Variants in MCF2L2 observed in about 807,000 individuals in gnomAD.
MCF2L2 encodes probable guanine nucleotide exchange factor MCF2L2.
In MCF2L2, 102 loss-of-function variants were observed where a neutral mutation model predicts 150.2. The ratio of observed to expected loss-of-function variants is 0.68; its 90% CI spans 0.58 to 0.80. The LOEUF is 0.80. MCF2L2 is among the 30% of genes least tolerant of loss of function. MCF2L2 has a pLI of 0.00. For missense variants in MCF2L2, 1,256 were observed against 1,372.8 expected (o/e 0.91, Z 1.34); for synonymous variants, 465 against 491.3 (o/e 0.95, Z 0.71).
At chr3:183,309,892 A>G in intron 9 of MCF2L2, 57 bp from the exon 10 acceptor site, 1 of 1,597,878 alleles carries the variant, frequency 6.3e-7, no homozygotes, top group Admixed American at 1.7e-5. Context: ...ACCTGAAGGT[A>G]TAGGTTTGTT....
At chr3:183,242,810 G>T (rs1724088957) in intron 15 of MCF2L2, among the ~76,000 whole-genome samples, 1 of 152,180 alleles carries the variant, frequency 6.6e-6, no homozygotes, top group African/African-American at 2.4e-5. Context: ...CCATGTGCTT[G>T]GAAAAGCTGC....
At chr3:183,218,290 TAAAAG>T (rs1041043116) in intron 21 of MCF2L2, among the ~76,000 whole-genome samples, 1 of 152,232 alleles carries the variant, frequency 6.6e-6, no homozygotes, top group Admixed American at 6.5e-5. Context: ...CGCTTCCTGG[TAAAAG>T]AAAACAGACT....
intron 10 of MCF2L2, among the ~76,000 whole-genome samples, chr3:183,302,232 G>A (rs1034928204): frequency 6.6e-6 from 1 of 152,148 alleles, no homozygotes; most frequent in African/African-American, 2.4e-5. Context: ...TTTCTCCTTT[G>A]CTAATTTTGC....
rs185130868 is a variant in MCF2L2, at chr3:183,270,951, G to C, written c.1862+5921C>G. 1.3e-6 allele frequency: 2 copies of C among 1,537,274 alleles called. No individual in the cohort carries two copies. Among genetic ancestry groups the C allele is most frequent in the Non-Finnish European group, 1.7e-6 (2 of 1,145,616 alleles). On this transcript the variant is annotated intron_variant, in intron 15 of 29. Coordinates refer to ENST00000328913, the MANE Select transcript of MCF2L2 (RefSeq NM_015078.4). This position sits in a 1 kb window ranked among gnomAD's most constrained non-coding sequence, Gnocchi z 4.5. ...GTTTATCTAATAGTACTTGAATGTT[G>C]TATGTTTTCACTGTCACTGAGTCAA...
intron 10 of MCF2L2, among the ~76,000 whole-genome samples, chr3:183,308,490 T>C (rs1249270620): frequency 6.6e-6 from 1 of 152,194 alleles, no homozygotes; most frequent in Non-Finnish European, 1.5e-5. Flanking sequence ...CTCATGTGTC[T>C]TTAGCACTAG....
chr3:183,207,658 G>T lies in MCF2L2; in HGVS notation c.2662C>A (p.Pro888Thr). ...GIVFCKIRME[P>T]GDQGLSPHYS... Reference sequence around the variant, plus strand: ...TGAGGAGATAATCCCTGGTCCCCAGGCTCCATTCGTATCTTACAGAACACT... The same window carrying T: ...TGAGGAGATAATCCCTGGTCCCCAGTCTCCATTCGTATCTTACAGAACACT... The change falls in exon 23 of 30, where the codon CCT becomes ACT. Residue 888 changes from proline (P) to threonine (T), a missense_variant. Pro to Thr is a conservative substitution (Grantham distance 38, BLOSUM62 -1). Coordinates refer to ENST00000328913, the MANE Select transcript of MCF2L2 (RefSeq NM_015078.4). 1.2e-6 allele frequency: 2 copies of T among 1,614,180 alleles called. No homozygotes were observed. The highest frequency in any genetic ancestry group is 1.7e-6 in the Non-Finnish European group (2 of 1,180,010).
chr3:183,355,245 T>A (rs1220816794), intron 3 of MCF2L2, among the ~76,000 whole-genome samples: 2 of 151,986 alleles, frequency 1.3e-5, no homozygotes, highest in Non-Finnish European at 1.5e-5. Context: ...AGACAGGTAA[T>A]GTCACTAGAA....
At chr3:183,318,011 A>G (rs1729667455) in intron 7 of MCF2L2, 57 bp downstream of exon 7, 2 of 1,587,960 alleles carry the variant, frequency 1.3e-6, no homozygotes, top group Admixed American at 1.8e-5. Context: ...TCTCTCCGAG[A>G]GGCAGGCATA....
chr3:183,312,161 T>C (rs944532619), intron 7 of MCF2L2, among the ~76,000 whole-genome samples: 24 of 152,350 alleles, frequency 1.6e-4, no homozygotes, highest in African/African-American at 5.5e-4. Flanking sequence ...TGAGCAATAA[T>C]AATGTAATAA....
intron 14 of MCF2L2, among the ~76,000 whole-genome samples, chr3:183,288,573 C>T (rs529051570): frequency 2.2e-4 from 33 of 151,476 alleles, no homozygotes; most frequent in African/African-American, 8.0e-4. Flanking sequence ...CCTCCAACTT[C>T]CAGTTTCAAG....
rs770936848 is a variant in MCF2L2 at position 183,180,087 on chromosome 3, T to C, written c.3089A>G (p.Glu1030Gly). ...DCEGAEDMEK[E>G]SSALSLAGLF... ...AGTAATTACACTCAGAGCACTGCTC[T>C]CCTTTTCCATGTCTTCTGCGCCTTC... Residue 1030 changes from glutamate to glycine, a missense_variant, in exon 28 of 30, where the codon GAG becomes GGG. Coordinates refer to ENST00000328913, the MANE Select transcript of MCF2L2 (RefSeq NM_015078.4). 8 of 1,613,686 alleles carry C rather than the reference T, an allele frequency of 5.0e-6. No homozygotes were observed. The Admixed American group carries it at 6.7e-5, about 13-fold the overall frequency.
At position 183,267,345 on chromosome 3, in the gene MCF2L2, A is replaced by C. The variant is rs1313584349; in HGVS notation, c.1862+9527T>G. Among the ~76,000 whole-genome samples, 3 of 152,234 alleles carry C rather than the reference A, an allele frequency of 2.0e-5. No homozygotes were observed. The highest frequency in any genetic ancestry group is 6.5e-5 in the Admixed American group (1 of 15,284). On this transcript the variant is annotated intron_variant, in intron 15 of 29. Coordinates refer to ENST00000328913, the MANE Select transcript of MCF2L2 (RefSeq NM_015078.4). This position sits in a 1 kb window ranked among gnomAD's most constrained non-coding sequence, Gnocchi z 5.5. Reference sequence around the variant, plus strand: ...TGAATGGGGCTTGGCTCTAATCTCTAGTCCTCATTGGACATTTTACATACC... The same window carrying C: ...TGAATGGGGCTTGGCTCTAATCTCTCGTCCTCATTGGACATTTTACATACC...
intron 1 of MCF2L2, among the ~76,000 whole-genome samples, chr3:183,397,027 A>G (rs1714502644): frequency 6.6e-6 from 1 of 152,202 alleles, no homozygotes; most frequent in South Asian, 2.1e-4. Context: ...ATTAATTTCT[A>G]TTGTTGTAAG....
At chr3:183,360,355 C>T (rs114381665) in intron 3 of MCF2L2, among the ~76,000 whole-genome samples, 1,737 of 152,060 alleles carry the variant, frequency 0.011, 37 homozygotes, top group East Asian at 0.071. Flanking sequence ...GTCACTTGAG[C>T]CCAGGAGTTC....
chr3:183,263,406 T>G (rs1478283632), intron 15 of MCF2L2, among the ~76,000 whole-genome samples: 4 of 152,138 alleles, frequency 2.6e-5, no homozygotes, highest in Non-Finnish European at 5.9e-5. Context: ...AACTATATGG[T>G]CAATGTCTCT....
intron 27 of MCF2L2, among the ~76,000 whole-genome samples, chr3:183,182,849 G>A (rs1174324681): frequency 1.3e-5 from 2 of 152,210 alleles, no homozygotes; most frequent in Non-Finnish European, 1.5e-5. Flanking sequence ...TGCCCCGCCA[G>A]GGATGGTAAT....
At chr3:183,291,577 T>C (rs1215074143) in intron 13 of MCF2L2, among the ~76,000 whole-genome samples, 3 of 152,222 alleles carry the variant, frequency 2.0e-5, no homozygotes, top group Non-Finnish European at 4.4e-5. Flanking sequence ...AAATTCCAGC[T>C]CTTAAGCCCC....
At chr3:183,182,833 A>C (rs2108628002) in intron 27 of MCF2L2, 1 of 152,442 alleles carries the variant, frequency 6.6e-6, no homozygotes, top group Non-Finnish European at 1.5e-5. Context: ...AGTGCGGCTC[A>C]CAGGGTGCCC....
chr3:183,189,670 G>A (rs1299028583), intron 27 of MCF2L2, among the ~76,000 whole-genome samples: 1 of 152,196 alleles, frequency 6.6e-6, no homozygotes, highest in African/African-American at 2.4e-5. Context: ...CTCCTCAAGG[G>A]ACAGTACCTG....
Sources: allele counts gnomAD v4.1 joint callset (sites outside exome capture counted in the v4.1 genomes callset), GRCh38; gene constraint gnomAD v4.1.1; non-coding constraint Gnocchi (gnomAD v3.1); transcripts MANE v1.5; gene names NCBI Gene and HGNC (gene_info 2026-07-23, HGNC 2026-07-21).